The following ZNF804A variants were observed in gnomAD, a reference collection of about 807,000 sequenced individuals.
ZNF804A encodes zinc finger protein 804A.
A neutral mutation model predicts 16.5 loss-of-function variants in ZNF804A; 2 were observed. That is an observed-to-expected ratio of 0.12 (90% CI 0.05 to 0.38). The LOEUF (loss-of-function observed/expected upper bound fraction) is 0.38, where lower values mean the gene tolerates loss of function less well. Among genes scored for constraint, ZNF804A ranks in the 10% least tolerant of loss-of-function variants. The pLI is 0.99. For missense variants in ZNF804A, 1,473 were observed against 1,390.7 expected (o/e 1.06, Z -0.94); for synonymous variants, 534 against 489.6 (o/e 1.09, Z -1.20).
intron 1 of ZNF804A, among the ~76,000 whole-genome samples, chr2:184,762,084 C>T (rs1694044037): frequency 2.0e-5 from 3 of 151,956 alleles, no homozygotes; most frequent in Non-Finnish European, 4.4e-5. Context: ...CATGATGTCT[C>T]TCTCTCTTTT....
chr2:184,622,596 G>A (rs1297806796), intron 1 of ZNF804A, among the ~76,000 whole-genome samples: 2 of 151,796 alleles, frequency 1.3e-5, no homozygotes, highest in African/African-American at 2.4e-5. Flanking sequence ...ACTTTGGAGT[G>A]TATGTATCAG....
At chr2:184,654,140 A>C (rs369826382) in intron 1 of ZNF804A, among the ~76,000 whole-genome samples, 3 of 152,356 alleles carry the variant, frequency 2.0e-5, no homozygotes, top group East Asian at 3.9e-4. Context: ...TACACAGATA[A>C]AAACAGATAC....
chr2:184,731,174 C>A (rs1388451024), intron 1 of ZNF804A, among the ~76,000 whole-genome samples: 1 of 128,422 alleles, frequency 7.8e-6, no homozygotes, highest in African/African-American at 2.8e-5. Context: ...TTGCTTGAAC[C>A]TGGGAGGCAG....
chr2:184,624,716 A>G lies in ZNF804A; in HGVS notation c.111+25646A>G, dbSNP rs112627717. 1.2e-3 allele frequency among the ~76,000 whole-genome samples: 176 copies of G among 152,226 alleles called. 1 individual carries two copies. Among genetic ancestry groups the G allele is most frequent in the Non-Finnish European group, 1.9e-3 (126 of 68,004 alleles). On this transcript the variant is annotated intron_variant, in intron 1 of 3. Transcript: ENST00000302277. ...CTATACCTTTTTCTGATTAAACTAA[A>G]CACTTATTTCCAATTTGTTTTGATT...
intron 1 of ZNF804A, among the ~76,000 whole-genome samples, chr2:184,627,025 A>G (rs1691517292): frequency 6.6e-6 from 1 of 152,184 alleles, no homozygotes; most frequent in South Asian, 2.1e-4. Context: ...AATTTCTTGC[A>G]GTGTTTAATT....
intron 1 of ZNF804A, among the ~76,000 whole-genome samples, chr2:184,679,060 A>G (rs1236940217): frequency 1.3e-5 from 2 of 152,262 alleles, no homozygotes; most frequent in Non-Finnish European, 2.9e-5. Context: ...TAGTGACAAG[A>G]CAAAGTAGTA....
intron 1 of ZNF804A, among the ~76,000 whole-genome samples, chr2:184,818,766 A>G (rs1695023932): frequency 6.6e-6 from 1 of 152,168 alleles, no homozygotes; most frequent in Non-Finnish European, 1.5e-5. Context: ...GTTTCTGACA[A>G]AACAGACTTC....
intron 1 of ZNF804A, among the ~76,000 whole-genome samples, chr2:184,702,983 T>G (rs1559130223): frequency 6.6e-6 from 1 of 152,214 alleles, no homozygotes; most frequent in Non-Finnish European, 1.5e-5. Flanking sequence ...GCTTTTAATG[T>G]CTATGCATAT....
intron 2 of ZNF804A, among the ~76,000 whole-genome samples, chr2:184,907,798 G>T (rs1685299811): frequency 6.6e-6 from 1 of 152,000 alleles, no homozygotes; most frequent in Non-Finnish European, 1.5e-5. Context: ...CCATATAATT[G>T]CACATTTTGT....
At position 184,611,972 on chromosome 2, in the gene ZNF804A, T is replaced by C. The variant is rs139090270; in HGVS notation, c.111+12902T>C. On this transcript the variant is annotated intron_variant, in intron 1 of 3. Transcript: ENST00000302277. ...ATCTTCATTAGGTGTCACTCTTGGC[T>C]GTAAAAGTATCAGTCTTCCTATTGA... Among the ~76,000 whole-genome samples, 117 of 152,366 alleles carry C rather than the reference T, an allele frequency of 7.7e-4. 2 individuals carry two copies. Among genetic ancestry groups the C allele is most frequent in the African/African-American group, 2.7e-3 (111 of 41,596 alleles).
At chr2:184,874,150 T>C (rs78253851) in intron 2 of ZNF804A, among the ~76,000 whole-genome samples, 2 of 152,236 alleles carry the variant, frequency 1.3e-5, no homozygotes, top group East Asian at 3.9e-4. Flanking sequence ...CAAAATGTAA[T>C]GTTTTCATTT....
chr2:184,612,211 T>C (rs957634389), intron 1 of ZNF804A, among the ~76,000 whole-genome samples: 1 of 152,186 alleles, frequency 6.6e-6, no homozygotes, highest in Non-Finnish European at 1.5e-5. Context: ...AAATTATTTC[T>C]TATTTTCATG....
rs757535982 is a variant in ZNF804A at position 184,938,166 on chromosome 2, C to G, written c.2770C>G (p.Pro924Ala). 3.1e-6 allele frequency: 5 copies of G among 1,613,946 alleles called. No individual in the cohort carries two copies. The highest frequency in any genetic ancestry group is 1.7e-4 in the Middle Eastern group (1 of 6,060). Residue 924 changes from proline (P) to alanine (A), a missense_variant, in exon 4 of 4, where the codon CCA becomes GCA. Transcript: ENST00000302277. The part of the protein sequence containing the change: ...PTTSVCVASA[P>A]TKEAIDNTLL... The stretch of plus-strand genomic sequence containing the variant: ...CACATCTGTCTGTGTAGCTAGTGCC[C>G]CAACAAAAGAAGCAATTGACAATAC...
Position 184,732,234 on chromosome 2 carries a change from A to C in ZNF804A, c.111+133164A>C, listed in dbSNP as rs539880346. On this transcript the variant is annotated intron_variant, in intron 1 of 3. Coordinates refer to ENST00000302277, the MANE Select transcript of ZNF804A (RefSeq NM_194250.2). ...TGATTTAATTTTTGTGAAGGGTGTA[A>C]GGTTTGTGTTTAAACTCATTTTTTT... Among the ~76,000 whole-genome samples the C allele has an allele frequency of 2.2e-5, 3 of 133,624 alleles. No individual in the cohort carries two copies. The East Asian group carries it at 7.8e-4, about 35-fold the overall frequency. The allele number at this position is 133,624 out of a possible 152,430, so 87.7% of individuals were successfully genotyped here. A position where few individuals can be genotyped will look rare whatever the true frequency, so the allele number is the denominator to read the frequency against.
intron 1 of ZNF804A, among the ~76,000 whole-genome samples, chr2:184,720,463 A>C (rs1330192311): frequency 6.6e-6 from 1 of 152,184 alleles, no homozygotes; most frequent in Non-Finnish European, 1.5e-5. Context: ...ACACACCAAT[A>C]ATGAACTAGC....
chr2:184,613,400 C>A (rs1203404111), intron 1 of ZNF804A, among the ~76,000 whole-genome samples: 2 of 152,194 alleles, frequency 1.3e-5, no homozygotes, highest in Admixed American at 6.6e-5. Flanking sequence ...CCACAGAATT[C>A]TACTAGCATC....
chr2:184,720,750 CA>C (rs1693299577), intron 1 of ZNF804A, among the ~76,000 whole-genome samples: 1 of 152,010 alleles, frequency 6.6e-6, no homozygotes, highest in East Asian at 1.9e-4. Context: ...AGAGATAGAA[CA>C]AAAAAATTCT....
chr2:184,903,235 T>C (rs1685214850), intron 2 of ZNF804A, among the ~76,000 whole-genome samples: 1 of 152,170 alleles, frequency 6.6e-6, no homozygotes, highest in Non-Finnish European at 1.5e-5. Context: ...AATCTCCACA[T>C]ATAGAATAAA....
intron 1 of ZNF804A, among the ~76,000 whole-genome samples, chr2:184,846,046 C>G (rs1191155228): frequency 6.6e-6 from 1 of 152,108 alleles, no homozygotes; most frequent in Non-Finnish European, 1.5e-5. Flanking sequence ...AATTGATTTT[C>G]AGGTTTCATA....
Sources: allele counts gnomAD v4.1 joint callset (sites outside exome capture counted in the v4.1 genomes callset), GRCh38; gene constraint gnomAD v4.1.1; transcripts MANE v1.5; gene names NCBI Gene and HGNC (gene_info 2026-07-23, HGNC 2026-07-21).